OR4N2: variants seen among roughly 807,000 people sequenced by gnomAD.
The protein encoded by OR4N2 is olfactory receptor family 4 subfamily N member 2.
For synonymous variants in OR4N2, 141 were observed against 140.4 expected (o/e 1.00, Z -0.03); for missense variants, 307 against 377.6 (o/e 0.81, Z 1.55).
intron 1 of OR4N2, among the ~76,000 whole-genome samples, chr14:19,814,265 A>G (rs1257877096): frequency 6.6e-6 from 1 of 152,254 alleles, no homozygotes; most frequent in African/African-American, 2.4e-5. Context: ...GCAGAGTGAA[A>G]GTGAACAAAT....
At position 19,827,924 on chromosome 14, in the gene OR4N2, A is replaced by G. The variant is rs371548614; in HGVS notation, c.476A>G (p.Gln159Arg). 1.2e-6 allele frequency: 2 copies of G among 1,614,216 alleles called. No homozygotes were observed. Among genetic ancestry groups the G allele is most frequent in the South Asian group, 1.1e-5 (1 of 91,082 alleles). Residue 159 changes from glutamine (Q) to arginine (R), a missense_variant, in exon 2 of 2, where the codon CAG becomes CGG. Transcript: ENST00000557677. ...GGGGGTTTTGTCCACTCCATTATCC[A>G]GGTGGTCCTCATCCTCCGCTTGCCT... is the stretch of plus-strand genomic sequence containing the variant. ...WLGGFVHSII[Q>R]VVLILRLPFC...
At chr14:19,827,350 G>C in intron 1 of OR4N2, 90 bp from the exon 2 acceptor site, 1 of 1,167,276 alleles carries the variant, frequency 8.6e-7, no homozygotes. Context: ...CTGAAGTACT[G>C]CATGTGCCAA....
chr14:19,806,045 TTAGC>T (rs1164671829), intron 1 of OR4N2, among the ~76,000 whole-genome samples: 1 of 152,160 alleles, frequency 6.6e-6, no homozygotes, highest in African/African-American at 2.4e-5. Context: ...ACATTTCAAC[TTAGC>T]TAGCCTTACA....
intron 1 of OR4N2, among the ~76,000 whole-genome samples, chr14:19,826,995 G>A (rs1223360447): frequency 1.3e-5 from 2 of 152,254 alleles, no homozygotes; most frequent in Non-Finnish European, 2.9e-5. Context: ...AAAATGTCTA[G>A]GAAAATTTTG....
At chr14:19,824,988 G>A (rs1879655973) in intron 1 of OR4N2, among the ~76,000 whole-genome samples, 2 of 152,240 alleles carry the variant, frequency 1.3e-5, no homozygotes. Flanking sequence ...TGTAGAAGGG[G>A]CTCTTGATTT....
At chr14:19,814,888 T>C (rs1226053231) in intron 1 of OR4N2, among the ~76,000 whole-genome samples, 1 of 152,212 alleles carries the variant, frequency 6.6e-6, no homozygotes, top group Non-Finnish European at 1.5e-5. Context: ...GTTCTCATTG[T>C]TCAACTCCCA....
At chr14:19,810,660 T>C (rs1879273951) in intron 1 of OR4N2, among the ~76,000 whole-genome samples, 1 of 152,244 alleles carries the variant, frequency 6.6e-6, no homozygotes, top group Non-Finnish European at 1.5e-5. Flanking sequence ...TGAGATCATG[T>C]CCTTTGCAAG....
chr14:19,823,188 A>G (rs1162697802), intron 1 of OR4N2, among the ~76,000 whole-genome samples: 10 of 152,264 alleles, frequency 6.6e-5, no homozygotes, highest in African/African-American at 1.4e-4. Context: ...TACTCAAATA[A>G]TTTACTAACC....
chr14:19,807,655 T>TAA (rs1385663086), intron 1 of OR4N2, among the ~76,000 whole-genome samples: 42 of 151,032 alleles, frequency 2.8e-4, no homozygotes, highest in Admixed American at 1.7e-3. Flanking sequence ...CTACCAGATT[T>TAA]TAAAAAAAAG....
chr14:19,813,299 T>G (rs533186705), intron 1 of OR4N2, among the ~76,000 whole-genome samples: 2 of 152,388 alleles, frequency 1.3e-5, no homozygotes, highest in African/African-American at 4.8e-5. Context: ...TTTTTGTGGT[T>G]ATATGGATTT....
Position 19,811,260 on chromosome 14 carries a change from T to A in OR4N2, c.-10+7416T>A, listed in dbSNP as rs772273836. On this transcript the variant is annotated intron_variant, in intron 1 of 1. Transcript: ENST00000557677. ...CATATGATTTTATTTTATTTTTATT[T>A]TTTTGAGATGGAGTCTCACTCTGTC... 3.9e-5 allele frequency among the ~76,000 whole-genome samples: 6 copies of A among 152,392 alleles called. No individual in the cohort carries two copies. In the South Asian group the frequency reaches 1.2e-3, roughly 32 times the overall value.
chr14:19,811,658 C>T (rs1320721462), intron 1 of OR4N2, among the ~76,000 whole-genome samples: 1 of 152,270 alleles, frequency 6.6e-6, no homozygotes, highest in African/African-American at 2.4e-5. Context: ...ATTTGAAAAT[C>T]AATCAAGTTA....
intron 1 of OR4N2, among the ~76,000 whole-genome samples, chr14:19,821,091 G>C (rs1378116528): frequency 2.0e-5 from 3 of 152,266 alleles, no homozygotes; most frequent in Non-Finnish European, 4.4e-5. Flanking sequence ...TGGTCTGCAG[G>C]TTGCAAAAAC....
At chr14:19,815,763 A>T (rs1879412336) in intron 1 of OR4N2, among the ~76,000 whole-genome samples, 1 of 151,662 alleles carries the variant, frequency 6.6e-6, no homozygotes, top group African/African-American at 2.4e-5. Flanking sequence ...TTAGTCATGA[A>T]GTCTTTGCCC....
At chr14:19,804,501 T>C (rs1686563) in intron 1 of OR4N2, among the ~76,000 whole-genome samples, 12,131 of 149,574 alleles carry the variant, frequency 0.081, 106 homozygotes, top group East Asian at 0.18. Flanking sequence ...TTTTCACATA[T>C]GCTTTTGATG....
In OR4N2 at chr14:19,827,725, T is replaced by C. The variant is rs1209644250; in HGVS notation, c.277T>C (p.Ser93Pro). The C allele has an allele frequency of 6.2e-7, 1 of 1,614,130 alleles. No individual in the cohort carries two copies. The highest frequency in any genetic ancestry group is 8.5e-7 in the Non-Finnish European group (1 of 1,180,056). Residue 93 changes from serine to proline, a missense_variant, in exon 2 of 2, where the codon TCC becomes CCC. Coordinates refer to ENST00000557677, the MANE Select transcript of OR4N2 (RefSeq NM_001004723.3). ...VDFLSAKKII[S>P]YRGCITQLFF... Reference sequence around the variant, plus strand: ...CTTCCTCTCTGCGAAGAAGATAATCTCCTACAGAGGCTGCATCACTCAGCT... The same window carrying C: ...CTTCCTCTCTGCGAAGAAGATAATCCCCTACAGAGGCTGCATCACTCAGCT...
In OR4N2 at chr14:19,811,713, G is replaced by A. The variant is rs757743839; in HGVS notation, c.-10+7869G>A. ...GAAGGTGGAAAAATGATATGATCTCGCCAAGAGGCAGAAAATCATTTGTTT... is the reference window on the plus strand; with the variant it reads ...GAAGGTGGAAAAATGATATGATCTCACCAAGAGGCAGAAAATCATTTGTTT... On this transcript the variant is annotated intron_variant, in intron 1 of 1. Coordinates refer to ENST00000557677, the MANE Select transcript of OR4N2 (RefSeq NM_001004723.3). 6.6e-5 allele frequency among the ~76,000 whole-genome samples: 10 copies of A among 152,340 alleles called. No individual in the cohort carries two copies. In the South Asian group the frequency reaches 1.5e-3, roughly 22 times the overall value.
chr14:19,815,664 T>TG (rs1424439578), intron 1 of OR4N2, among the ~76,000 whole-genome samples: 5 of 151,594 alleles, frequency 3.3e-5, no homozygotes, highest in East Asian at 1.9e-4. Flanking sequence ...TGTTTTTTTT[T>TG]TTTTTGTTTT....
intron 1 of OR4N2, among the ~76,000 whole-genome samples, chr14:19,808,339 C>G (rs571395430): frequency 3.0e-4 from 45 of 152,212 alleles, no homozygotes; most frequent in Non-Finnish European, 6.2e-4. Context: ...AAAACCCTAA[C>G]TTTCACAAAA....
Sources: allele counts gnomAD v4.1 joint callset (sites outside exome capture counted in the v4.1 genomes callset), GRCh38; gene constraint gnomAD v4.1.1; transcripts MANE v1.5; gene names NCBI Gene and HGNC (gene_info 2026-07-23, HGNC 2026-07-21).